Variants in BEND4 observed in about 807,000 individuals in gnomAD.
BEND4 encodes the protein BEN domain containing 4.
Under a neutral mutation model 54.7 loss-of-function variants are expected in BEND4, and 27 were observed. That is an observed-to-expected ratio of 0.49 (90% CI 0.36 to 0.68). The LOEUF is 0.68. Ranked by LOEUF, BEND4 falls within the 30% of genes least tolerant of loss-of-function variation. The pLI is 0.00. For missense variants in BEND4, 702 were observed against 697.2 expected, an observed-to-expected ratio of 1.01 and a Z score of -0.08; for synonymous variants, 327 against 299.5, an observed-to-expected ratio of 1.09 and a Z score of -0.95.
rs1218810775 is a variant in BEND4, at chr4:42,113,895, G to C, written c.*3623C>G. ...CTCTAATATTATCCTTACATTCCTA[G>C]TGAAGCTTAATGAAACATAAATGGT... On this transcript the variant is annotated 3_prime_UTR_variant, in exon 6 of 6. Coordinates refer to ENST00000502486, the MANE Select transcript of BEND4 (RefSeq NM_207406.4). 6.6e-6 allele frequency: 1 copy of C among 152,156 alleles called. No individual in the cohort carries two copies. The highest frequency in any genetic ancestry group is 1.5e-5 in the Non-Finnish European group (1 of 68,034). The allele number at this position is 152,156 out of a possible 1,614,324, so 9.4% of individuals were successfully genotyped here.
At chr4:42,146,132 A>G (rs1008662684) in intron 2 of BEND4, among the ~76,000 whole-genome samples, 9 of 152,190 alleles carry the variant, frequency 5.9e-5, no homozygotes, top group African/African-American at 1.9e-4. Context: ...CACATGGCCA[A>G]GTACCCCAAG....
intron 4 of BEND4, among the ~76,000 whole-genome samples, chr4:42,124,611 C>A (rs1439124740): frequency 6.6e-6 from 1 of 152,076 alleles, no homozygotes; most frequent in Non-Finnish European, 1.5e-5. Flanking sequence ...TGGAGAGTCA[C>A]CAGGGGCCTC....
In BEND4 at chr4:42,125,612, T is replaced by C; in HGVS notation, c.1117A>G (p.Ile373Val). ...GTCGGCTGGTCAGCTGGCTGTGGTA[T>C]CAGGAGTTGGTTGTGGTGCTGCAGA... ...MVLQHHNQLL[I>V]PQPADQPTEG... The change falls in exon 4 of 6, where the codon ATA (isoleucine) becomes GTA (valine). Residue 373 changes from isoleucine (I) to valine (V), a missense_variant. By Grantham distance (29) the Ile-to-Val change is conservative. Transcript: ENST00000502486. The C allele has an allele frequency of 6.2e-7, 1 of 1,613,918 alleles. No homozygotes were observed. The highest frequency in any genetic ancestry group is 8.5e-7 in the Non-Finnish European group (1 of 1,179,836).
intron 4 of BEND4, 75 bp from the exon 5 acceptor site, chr4:42,120,369 G>A: frequency 1.3e-6 from 2 of 1,533,410 alleles, no homozygotes; most frequent in South Asian, 1.3e-5. Flanking sequence ...CATTTCAAAG[G>A]CAAACATGCT....
rs1178615417 is a variant in BEND4, at chr4:42,112,558, G to A, written c.*4960C>T. The A allele has an allele frequency of 6.6e-6, 1 of 152,164 alleles. No homozygotes were observed. Among genetic ancestry groups the A allele is most frequent in the African/African-American group, 2.4e-5 (1 of 41,426 alleles). 9.4% of individuals were successfully genotyped at this position (152,164 alleles called of 1,614,324 possible). A position where few individuals can be genotyped will look rare whatever the true frequency, so the allele number is the denominator to read the frequency against. On this transcript the variant is annotated 3_prime_UTR_variant, in exon 6 of 6. Transcript: ENST00000502486. ...AAAAACACAGCCCTTATATCAGACA[G>A]CTATAGAGAATTGTGAGGAAAATTA...
In BEND4 at chr4:42,113,269, T is replaced by C. The variant is rs758494112; in HGVS notation, c.*4249A>G. On this transcript the variant is annotated 3_prime_UTR_variant, in exon 6 of 6. Coordinates refer to ENST00000502486, the MANE Select transcript of BEND4 (RefSeq NM_207406.4). ...AGCACTGAATGAGGAAAGTTATACATTTAAATCTTTCCTAAAATTGAAGCT... is the reference window on the plus strand; with the variant it reads ...AGCACTGAATGAGGAAAGTTATACACTTAAATCTTTCCTAAAATTGAAGCT... 2 of 152,206 alleles carry C rather than the reference T, an allele frequency of 1.3e-5. No homozygotes were observed. Among genetic ancestry groups the C allele is most frequent in the Non-Finnish European group, 2.9e-5 (2 of 68,034 alleles). The allele number at this position is 152,206 out of a possible 1,614,324, so 9.4% of individuals were successfully genotyped here.
At position 42,152,251 on chromosome 4, in the gene BEND4, G is replaced by T; in HGVS notation, c.-108C>A. 9.0e-7 allele frequency: 1 copy of T among 1,109,656 alleles called. No individual in the cohort carries two copies. The highest frequency in any genetic ancestry group is 1.1e-6 in the Non-Finnish European group (1 of 879,902). 68.7% of individuals were successfully genotyped at this position (1,109,656 alleles called of 1,614,324 possible). A position where few individuals can be genotyped will look rare whatever the true frequency, so the allele number is the denominator to read the frequency against. ...GCCGGGTCTGCCCTGGTGCGCGCGT[G>T]TGGGAGGGTGTGTGTCTGTGCCGTG... is the stretch of plus-strand genomic sequence containing the variant. On this transcript the variant is annotated 5_prime_UTR_variant, in exon 2 of 6. Transcript: ENST00000502486.
intron 4 of BEND4, among the ~76,000 whole-genome samples, chr4:42,124,935 C>G (rs2153145203): frequency 6.6e-6 from 1 of 152,190 alleles, no homozygotes. Context: ...GAAGGAGAAT[C>G]CAAGGAAGGC....
In BEND4 at chr4:42,143,855, G is replaced by GT; in HGVS notation, c.626dup (p.Asn209LysfsTer43). ...CAATGTGACAGTGCTCCTGTCTTTC[G>GT]TTGTAACTTGAGCCTTCCTGCTTTA... On this transcript the variant is annotated frameshift_variant, in exon 3 of 6. Transcript: ENST00000502486. LOFTEE classifies it high-confidence loss of function. 1 of 1,558,246 alleles carries GT rather than the reference G, an allele frequency of 6.4e-7. No homozygotes were observed. Among genetic ancestry groups the GT allele is most frequent in the Non-Finnish European group, 8.7e-7 (1 of 1,155,054 alleles).
In BEND4 at chr4:42,125,489, T is replaced by C. The variant is rs1392039338; in HGVS notation, c.1146+94A>G. The C allele has an allele frequency of 3.2e-6, 3 of 930,808 alleles. No individual in the cohort carries two copies. The East Asian group carries it at 7.6e-5, about 24-fold the overall frequency. The allele number at this position is 930,808 out of a possible 1,614,324, so 57.7% of individuals were successfully genotyped here. On this transcript the variant is annotated intron_variant, in intron 4 of 5. Coordinates refer to ENST00000502486, the MANE Select transcript of BEND4 (RefSeq NM_207406.4). ...CATAAACCTCAGTCAAAAACTATTT[T>C]GCTAGCCAGTCTGTTCTGGTATACA...
At chr4:42,128,828 C>T (rs150047526) in intron 3 of BEND4, among the ~76,000 whole-genome samples, 3,870 of 151,672 alleles carry the variant, frequency 0.026, 75 homozygotes, top group Non-Finnish European at 0.038. Flanking sequence ...CCCAGCTACT[C>T]GGGAGGCTGA....
At chr4:42,132,890 A>G (rs1348122844) in intron 3 of BEND4, among the ~76,000 whole-genome samples, 3 of 152,226 alleles carry the variant, frequency 2.0e-5, no homozygotes, top group Non-Finnish European at 2.9e-5. Context: ...ATGAGGAACC[A>G]AAAATGAAAC....
Position 42,141,764 on chromosome 4 carries a change from A to G in BEND4, c.1054+1664T>C, listed in dbSNP as rs1031617038. ...TCAATTAAAACAAACAAAAAAAAGG[A>G]TATAACTTATATTTATGCATATGTA... On this transcript the variant is annotated intron_variant, in intron 3 of 5. Transcript: ENST00000502486. 2.0e-5 allele frequency among the ~76,000 whole-genome samples: 3 copies of G among 152,258 alleles called. No homozygotes were observed. The East Asian group carries it at 5.8e-4, about 29-fold the overall frequency.
intron 2 of BEND4, among the ~76,000 whole-genome samples, chr4:42,150,282 T>C (rs574855996): frequency 6.6e-5 from 10 of 152,208 alleles, no homozygotes; most frequent in Non-Finnish European, 1.2e-4. Context: ...CAATGGAATA[T>C]TGGGGCAAGA....
rs1294524449 is a variant in BEND4 at position 42,113,947 on chromosome 4, A to G, written c.*3571T>C. ...ACGGTCACCTAAATGCTGTGGTGGA[A>G]TGAGGAAAACCAAAAAAGTGATGCG... On this transcript the variant is annotated 3_prime_UTR_variant, in exon 6 of 6. Transcript: ENST00000502486. 1 of 152,256 alleles carries G rather than the reference A, an allele frequency of 6.6e-6. No homozygotes were observed. Among genetic ancestry groups the G allele is most frequent in the Non-Finnish European group, 1.5e-5 (1 of 68,050 alleles). 9.4% of individuals were successfully genotyped at this position (152,256 alleles called of 1,614,324 possible).
In BEND4 at chr4:42,151,474, G is replaced by A. The variant is rs989543663; in HGVS notation, c.487+183C>T. On this transcript the variant is annotated intron_variant, in intron 2 of 5. Coordinates refer to ENST00000502486, the MANE Select transcript of BEND4 (RefSeq NM_207406.4). ...TAGGCGCGCGCCGTCGGAAGCCCAG[G>A]CGCGGCGGCGCTGGAGAATCCTCTC... is the stretch of plus-strand genomic sequence containing the variant. 2.4e-4 allele frequency: 128 copies of A among 523,460 alleles called. 1 individual carries two copies. The highest frequency in any genetic ancestry group is 3.4e-4 in the Non-Finnish European group (117 of 339,490). The allele number at this position is 523,460 out of a possible 1,614,324, so 32.4% of individuals were successfully genotyped here.
intron 2 of BEND4, among the ~76,000 whole-genome samples, chr4:42,145,300 G>A (rs1433512057): frequency 3.3e-5 from 5 of 152,154 alleles, no homozygotes; most frequent in South Asian, 2.1e-4. Context: ...AGTGCTCAAC[G>A]TTCCACTGTG....
intron 3 of BEND4, among the ~76,000 whole-genome samples, chr4:42,132,622 T>C (rs1429923942): frequency 6.6e-6 from 1 of 152,012 alleles, no homozygotes; most frequent in Non-Finnish European, 1.5e-5. Flanking sequence ...TTTTTTCTAT[T>C]TTCAGTAGAG....
At chr4:42,147,767 T>C (rs569678688) in intron 2 of BEND4, among the ~76,000 whole-genome samples, 1 of 152,286 alleles carries the variant, frequency 6.6e-6, no homozygotes, top group East Asian at 1.9e-4. Flanking sequence ...AATTAAAAAA[T>C]TCATTTTGGG....
Sources: gnomAD v4.1 joint callset for allele counts (sites outside exome capture counted in the v4.1 genomes callset) on GRCh38, gnomAD v4.1.1 for gene constraint, MANE v1.5 for transcripts, NCBI Gene and HGNC (gene_info 2026-07-23, HGNC 2026-07-21) for gene names.